ITGAM: variants seen among roughly 807,000 people sequenced by gnomAD.
ITGAM encodes the protein integrin alpha-M.
Under a neutral mutation model 137.5 loss-of-function variants are expected in ITGAM, and 79 were observed. That is an observed-to-expected ratio of 0.57 (90% confidence interval 0.48 to 0.69). The LOEUF (loss-of-function observed/expected upper bound fraction) is 0.69. ITGAM is among the 30% of genes least tolerant of loss of function. The pLI, the probability that ITGAM is intolerant of heterozygous loss-of-function variation, is 0.00. For synonymous variants in ITGAM, 583 were observed against 592.3 expected (o/e 0.98, Z 0.23); for missense variants, 1,343 against 1,483.5 (o/e 0.91, Z 1.56).
chr16:31,294,655 T>G (rs2080116437), intron 12 of ITGAM, among the ~76,000 whole-genome samples: 1 of 152,194 alleles, frequency 6.6e-6, no homozygotes, highest in Admixed American at 6.5e-5. Context: ...TGAGGATTTT[T>G]GCATTAGTGT....
intron 14 of ITGAM, among the ~76,000 whole-genome samples, chr16:31,307,364 T>C (rs1376687048): frequency 6.6e-6 from 1 of 152,184 alleles, no homozygotes; most frequent in African/African-American, 2.4e-5. Context: ...GTCCTTCACA[T>C]CCCTTGTAAG....
chr16:31,269,197 C>G (rs1349160892), intron 5 of ITGAM, among the ~76,000 whole-genome samples: 1 of 152,040 alleles, frequency 6.6e-6, no homozygotes, highest in African/African-American at 2.4e-5. Context: ...TCGGATGAAC[C>G]AGTTTATTGA....
Position 31,330,089 on chromosome 16 carries a change from G to A in ITGAM, c.2985G>A (p.Ser995=). ...RPQVTFSENL[S]STCHTKERLP... ...TGCGTCTCTTTCCTCAGAACCTCTC[G>A]AGTACGTGCCACACCAAGGAGCGCT... The change falls in exon 26 of 30, where the codon TCG becomes TCA. Residue 995 remains serine, a synonymous_variant. Coordinates refer to ENST00000544665, the MANE Select transcript of ITGAM (RefSeq NM_000632.4). 2 of 1,613,524 alleles carry A rather than the reference G, an allele frequency of 1.2e-6. No homozygotes were observed. The highest frequency in any genetic ancestry group is 1.7e-6 in the Non-Finnish European group (2 of 1,179,690).
intron 7 of ITGAM, among the ~76,000 whole-genome samples, 176 bp from the exon 8 acceptor site, chr16:31,273,189 A>T (rs896039716): frequency 3.3e-5 from 5 of 152,000 alleles, no homozygotes; most frequent in Admixed American, 6.6e-5. Flanking sequence ...CCAGGTACTC[A>T]GGAGGCTGAG....
At position 31,331,875 on chromosome 16, in the gene ITGAM, CTGTGTGCAAG is replaced by C. The variant is rs2080589830; in HGVS notation, c.*177_*186del. The stretch of plus-strand genomic sequence containing the variant: ...TGTGTATGTGCGTGTGTGCAAGTGT[CTGTGTGCAAG>C]TGTGTGCACATGTGTGCGTGTGCGT... On this transcript the variant is annotated 3_prime_UTR_variant, in exon 30 of 30. Coordinates refer to ENST00000544665, the MANE Select transcript of ITGAM (RefSeq NM_000632.4). The C allele has an allele frequency of 3.6e-6, 2 of 548,750 alleles. No homozygotes were observed. The highest frequency in any genetic ancestry group is 7.4e-5 in the Admixed American group (2 of 26,968). 34.0% of individuals were successfully genotyped at this position (548,750 alleles called of 1,614,324 possible).
intron 21 of ITGAM, 95 bp downstream of exon 21, chr16:31,325,717 A>G: frequency 2.1e-6 from 3 of 1,428,130 alleles, no homozygotes; most frequent in Non-Finnish European, 2.8e-6. Flanking sequence ...TCCTTTTTGT[A>G]CAAAACAGCT....
intron 14 of ITGAM, among the ~76,000 whole-genome samples, chr16:31,317,729 C>T (rs1597031298): frequency 6.6e-6 from 1 of 152,018 alleles, no homozygotes. Flanking sequence ...TATTGATTTG[C>T]ATATGTTGAG....
At chr16:31,281,086 T>A (rs2079963773) in intron 12 of ITGAM, among the ~76,000 whole-genome samples, 1 of 152,194 alleles carries the variant, frequency 6.6e-6, no homozygotes, top group South Asian at 2.1e-4. Context: ...TCATGGTGGA[T>A]AAGCTTTTTG....
chr16:31,327,364 A>G (rs1254539218), intron 22 of ITGAM, among the ~76,000 whole-genome samples: 1 of 151,870 alleles, frequency 6.6e-6, no homozygotes, highest in African/African-American at 2.4e-5. Flanking sequence ...AGGCAAAACA[A>G]TTGCTCGAAC....
intron 14 of ITGAM, among the ~76,000 whole-genome samples, chr16:31,300,848 G>T (rs1267161271): frequency 1.3e-5 from 2 of 152,148 alleles, no homozygotes; most frequent in Non-Finnish European, 2.9e-5. Flanking sequence ...GGAGGTGGAG[G>T]TTGCAGTGAG....
At chr16:31,262,245 T>C (rs904380880) in intron 2 of ITGAM, among the ~76,000 whole-genome samples, 2 of 146,140 alleles carry the variant, frequency 1.4e-5, no homozygotes, top group Non-Finnish European at 3.1e-5. Flanking sequence ...CTTCCTCCCT[T>C]CCTTCCTTCC....
intron 21 of ITGAM, 136 bp from the exon 22 acceptor site, chr16:31,326,720 A>G (rs2080511697): frequency 7.2e-6 from 5 of 692,278 alleles, no homozygotes; most frequent in Non-Finnish European, 1.0e-5. Context: ...CCTGGCCTTC[A>G]TTGCTTTTTA....
chr16:31,325,476 G>T, intron 20 of ITGAM, 24 bp from the exon 21 acceptor site: 1 of 1,613,586 alleles, frequency 6.2e-7, no homozygotes, highest in Non-Finnish European at 8.5e-7. Context: ...GGATATCACC[G>T]CCTTTGCCTC....
At chr16:31,302,428 C>CTTTCTTCTTTCTTTCTTTCTTTCTTTCT (rs71390270) in intron 14 of ITGAM, among the ~76,000 whole-genome samples, 2 of 103,126 alleles carry the variant, frequency 1.9e-5, no homozygotes, top group African/African-American at 1.1e-4. Context: ...TTCTTTCTTT[C>CTTTCTTCTTTCTTTCTTTCTTTCTTTCT]TTCTTTCTTT....
chr16:31,262,637 T>C (rs2079718540), intron 2 of ITGAM, among the ~76,000 whole-genome samples: 1 of 152,062 alleles, frequency 6.6e-6, no homozygotes, highest in Non-Finnish European at 1.5e-5. Flanking sequence ...ACTCCTGGCC[T>C]CAAGTCATCC....
chr16:31,300,500 T>C (rs931936995), intron 14 of ITGAM, among the ~76,000 whole-genome samples: 13 of 152,264 alleles, frequency 8.5e-5, no homozygotes, highest in Admixed American at 8.5e-4. Flanking sequence ...AATTTCACTG[T>C]GGCTTTGATT....
intron 12 of ITGAM, 146 bp downstream of exon 12, chr16:31,278,255 T>C (rs2079931691): frequency 2.4e-6 from 2 of 843,732 alleles, no homozygotes; most frequent in African/African-American, 1.7e-5. Context: ...GGGATCAGCT[T>C]AGCATTTGTG....
At chr16:31,323,644 T>C (rs963274605) in intron 16 of ITGAM, among the ~76,000 whole-genome samples, 2 of 152,246 alleles carry the variant, frequency 1.3e-5, no homozygotes, top group Admixed American at 1.3e-4. Context: ...ACTTATTGTA[T>C]AAAAGACACT....
chr16:31,278,122 T>G lies in ITGAM; in HGVS notation c.1356+13T>G. 1 of 1,601,436 alleles carries G rather than the reference T, an allele frequency of 6.2e-7. No homozygotes were observed. Among genetic ancestry groups the G allele is most frequent in the South Asian group, 1.1e-5 (1 of 88,704 alleles). ...CAAGGGCACCCAGGTGAGTGCGGTT[T>G]GTGGAGCATGAATGTGCAAACAGAG... On this transcript the variant is annotated intron_variant, in intron 12 of 29. Coordinates refer to ENST00000544665, the MANE Select transcript of ITGAM (RefSeq NM_000632.4).
Sources: gnomAD v4.1 joint callset for allele counts (sites outside exome capture counted in the v4.1 genomes callset) on GRCh38, gnomAD v4.1.1 for gene constraint, MANE v1.5 for transcripts, NCBI Gene and HGNC (gene_info 2026-07-23, HGNC 2026-07-21) for gene names.